The following SYCP2L variants were observed in gnomAD, a reference collection of about 807,000 sequenced individuals.
The protein encoded by SYCP2L is synaptonemal complex protein 2-like.
SYCP2L carries 98 observed loss-of-function variants against 125.8 expected under a neutral mutation model. The ratio of observed to expected loss-of-function variants is 0.78; its 90% CI spans 0.66 to 0.92. SYCP2L has a LOEUF of 0.92. Ranked by LOEUF, SYCP2L falls within the 40% of genes least tolerant of loss-of-function variation. The pLI, the probability that SYCP2L is intolerant of heterozygous loss-of-function variation, is 0.00. For synonymous variants in SYCP2L, 317 were observed against 325.4 expected (o/e 0.97, Z 0.28); for missense variants, 842 against 936.4 (o/e 0.90, Z 1.32).
At chr6:10,902,345 C>T (rs1235345188) in intron 6 of SYCP2L, among the ~76,000 whole-genome samples, 1 of 152,190 alleles carries the variant, frequency 6.6e-6, no homozygotes, top group East Asian at 1.9e-4. Flanking sequence ...AGAAGAATTA[C>T]CTGGCTTGAA....
At chr6:10,941,536 A>G (rs550090083) in intron 21 of SYCP2L, among the ~76,000 whole-genome samples, 1 of 152,306 alleles carries the variant, frequency 6.6e-6, no homozygotes, top group African/African-American at 2.4e-5. Flanking sequence ...CAGCCAACAG[A>G]CACATGAAAA....
At chr6:10,951,882 C>T (rs1201727503) in intron 23 of SYCP2L, among the ~76,000 whole-genome samples, 1 of 152,134 alleles carries the variant, frequency 6.6e-6, no homozygotes, top group African/African-American at 2.4e-5. Context: ...AAAAATACAA[C>T]ACAGATGCCA....
intron 2 of SYCP2L, among the ~76,000 whole-genome samples, chr6:10,893,221 C>G (rs151064452): frequency 2.0e-4 from 31 of 152,292 alleles, no homozygotes; most frequent in African/African-American, 7.2e-4. Flanking sequence ...TGGTCTCGAA[C>G]TCCTGACCTC....
chr6:10,914,466 A>C (rs1780656232), intron 14 of SYCP2L, among the ~76,000 whole-genome samples: 1 of 152,148 alleles, frequency 6.6e-6, no homozygotes, highest in Admixed American at 6.5e-5. Flanking sequence ...CTTTTTGCTT[A>C]GTCTTGCTTT....
At chr6:10,925,800 A>C (rs1780886444) in intron 15 of SYCP2L, among the ~76,000 whole-genome samples, 1 of 152,232 alleles carries the variant, frequency 6.6e-6, no homozygotes, top group Non-Finnish European at 1.5e-5. Flanking sequence ...CTCCTCCATC[A>C]AATTACATAT....
intron 4 of SYCP2L, among the ~76,000 whole-genome samples, chr6:10,895,120 C>T (rs1169937840): frequency 5.3e-5 from 8 of 152,180 alleles, no homozygotes; most frequent in Non-Finnish European, 1.0e-4. Flanking sequence ...GTATATATTT[C>T]GTTCTGCATA....
chr6:10,904,604 A>G (rs1780450901), intron 8 of SYCP2L, among the ~76,000 whole-genome samples: 1 of 152,158 alleles, frequency 6.6e-6, no homozygotes, highest in South Asian at 2.1e-4. Context: ...TAAGTTTTCA[A>G]ACTAATCTTT....
intron 21 of SYCP2L, among the ~76,000 whole-genome samples, chr6:10,937,347 A>G (rs1393874075): frequency 1.3e-5 from 2 of 152,236 alleles, no homozygotes; most frequent in Admixed American, 6.5e-5. Context: ...CGAATAACCA[A>G]TGGATCAAAT....
chr6:10,922,700 G>A (rs896805787), intron 14 of SYCP2L: 7 of 152,000 alleles, frequency 4.6e-5, no homozygotes, highest in African/African-American at 1.7e-4. Flanking sequence ...GACTTTCCCT[G>A]GAGTGATGAG....
chr6:10,909,951 T>A (rs1423207838), intron 10 of SYCP2L, among the ~76,000 whole-genome samples, 197 bp from the exon 11 acceptor site: 1 of 152,240 alleles, frequency 6.6e-6, no homozygotes, highest in Non-Finnish European at 1.5e-5. Flanking sequence ...AGGTTCCTTC[T>A]GGAAACATGA....
intron 14 of SYCP2L, among the ~76,000 whole-genome samples, chr6:10,913,209 C>T (rs1214322423): frequency 6.6e-6 from 1 of 152,182 alleles, no homozygotes; most frequent in Non-Finnish European, 1.5e-5. Context: ...ATTAACAATG[C>T]TTTTCCCCAA....
intron 14 of SYCP2L, among the ~76,000 whole-genome samples, chr6:10,918,725 C>T (rs182997101): frequency 6.6e-5 from 10 of 151,924 alleles, no homozygotes; most frequent in Non-Finnish European, 1.3e-4. Context: ...TTAGTAGAGA[C>T]GGGTTTCACC....
At chr6:10,900,700 C>T (rs949341596) in intron 6 of SYCP2L, among the ~76,000 whole-genome samples, 1 of 152,220 alleles carries the variant, frequency 6.6e-6, no homozygotes, top group Non-Finnish European at 1.5e-5. Context: ...GAGGATCCCA[C>T]ACTCGTGACC....
chr6:10,891,667 G>GC, intron 2 of SYCP2L, 86 bp downstream of exon 2: 1 of 815,352 alleles, frequency 1.2e-6, no homozygotes, highest in Non-Finnish European at 1.9e-6. Flanking sequence ...GTGTGTGTAT[G>GC]TGTATATGAG....
At chr6:10,959,186 C>G (rs959341941) in intron 26 of SYCP2L, among the ~76,000 whole-genome samples, 1 of 152,174 alleles carries the variant, frequency 6.6e-6, no homozygotes, top group Non-Finnish European at 1.5e-5. Context: ...ATGAAATATG[C>G]TATATCCATA....
At chr6:10,949,149 C>T (rs941537190) in intron 23 of SYCP2L, among the ~76,000 whole-genome samples, 10 of 152,008 alleles carry the variant, frequency 6.6e-5, no homozygotes, top group Admixed American at 1.3e-4. Flanking sequence ...TTGTTATCTG[C>T]TCTTTTCTAT....
At chr6:10,940,964 A>C (rs187090703) in intron 21 of SYCP2L, among the ~76,000 whole-genome samples, 47 of 152,278 alleles carry the variant, frequency 3.1e-4, no homozygotes, top group African/African-American at 1.1e-3. Context: ...GATCTAGTTG[A>C]AGTAACTGGC....
chr6:10,902,649 A>G, intron 6 of SYCP2L, 28 bp from the exon 7 acceptor site: 1 of 1,593,752 alleles, frequency 6.3e-7, no homozygotes, highest in Non-Finnish European at 8.6e-7. Flanking sequence ...CCAAACATAA[A>G]TTTGATGCTT....
At chr6:10,899,995 A>C (rs1482071275) in intron 6 of SYCP2L, among the ~76,000 whole-genome samples, 1 of 152,226 alleles carries the variant, frequency 6.6e-6, no homozygotes. Context: ...ATATTTGAAA[A>C]ACAGTGCAGA....
Sources: allele counts gnomAD v4.1 joint callset (sites outside exome capture counted in the v4.1 genomes callset), GRCh38; gene constraint gnomAD v4.1.1; transcripts MANE v1.5; gene names NCBI Gene and HGNC (gene_info 2026-07-23, HGNC 2026-07-21).